BAIAP2L1: variants seen among roughly 807,000 people sequenced by gnomAD.
BAIAP2L1 encodes BAR/IMD domain-containing adapter protein 2-like 1.
A neutral mutation model predicts 66.3 loss-of-function variants in BAIAP2L1; 35 were observed. That is an observed-to-expected ratio of 0.53 (90% CI 0.40 to 0.70). The LOEUF (loss-of-function observed/expected upper bound fraction) is 0.70, where lower values mean the gene tolerates loss of function less well. Ranked by LOEUF, BAIAP2L1 falls within the 30% of genes least tolerant of loss-of-function variation. The probability of loss-of-function intolerance (pLI) is 0.00; values close to 1 mark genes in which losing one functional copy is unlikely to be tolerated. For missense variants in BAIAP2L1, 622 were observed against 656.9 expected, an observed-to-expected ratio of 0.95 and a Z score of 0.58; for synonymous variants, 269 against 248.7, an observed-to-expected ratio of 1.08 and a Z score of -0.77.
chr7:98,317,590 T>C (rs7797943), intron 5 of BAIAP2L1, among the ~76,000 whole-genome samples: 61,360 of 151,210 alleles, frequency 0.41, 13,320 homozygotes, highest in Middle Eastern at 0.55. Context: ...AGGGCCCTCA[T>C]CCCTCAGTTC....
intron 1 of BAIAP2L1, among the ~76,000 whole-genome samples, chr7:98,375,793 G>A (rs1430564224): frequency 6.8e-6 from 1 of 147,474 alleles, no homozygotes; most frequent in Admixed American, 6.8e-5. Flanking sequence ...ACAGTTAACA[G>A]TCACACTGGT....
At chr7:98,306,744 G>A (rs530182273) in intron 10 of BAIAP2L1, 1 of 581,686 alleles carries the variant, frequency 1.7e-6, no homozygotes, top group African/African-American at 1.9e-5. Flanking sequence ...GTCTCGCTCT[G>A]TTGCCCAGGC....
chr7:98,375,143 C>A (rs1388694962), intron 1 of BAIAP2L1, among the ~76,000 whole-genome samples: 2 of 151,974 alleles, frequency 1.3e-5, no homozygotes, highest in Non-Finnish European at 2.9e-5. Flanking sequence ...CCCCATAATC[C>A]CAGCACTTTG....
At chr7:98,356,238 C>G (rs1802115635) in intron 2 of BAIAP2L1, among the ~76,000 whole-genome samples, 1 of 152,102 alleles carries the variant, frequency 6.6e-6, no homozygotes, top group Non-Finnish European at 1.5e-5. Context: ...TGCTAATACA[C>G]TTTTTTCACT....
intron 7 of BAIAP2L1, among the ~76,000 whole-genome samples, chr7:98,312,761 G>GC (rs1800919272): frequency 7.5e-6 from 1 of 133,576 alleles, no homozygotes; most frequent in Admixed American, 7.7e-5. Context: ...AGAGGGACTG[G>GC]GTGAGTGGTG....
chr7:98,393,009 GTA>G (rs767798428), intron 1 of BAIAP2L1, among the ~76,000 whole-genome samples: 4 of 145,506 alleles, frequency 2.7e-5, no homozygotes, highest in African/African-American at 5.1e-5. Context: ...TAATTTTTGT[GTA>G]TATATATACA....
At chr7:98,393,096 T>C (rs1163534192) in intron 1 of BAIAP2L1, among the ~76,000 whole-genome samples, 4 of 113,438 alleles carry the variant, frequency 3.5e-5, no homozygotes, top group African/African-American at 1.6e-4. Flanking sequence ...TATACATATA[T>C]ACGTGTACAT....
At chr7:98,306,588 G>C in intron 10 of BAIAP2L1, 72 bp from the exon 11 acceptor site, 1 of 1,610,014 alleles carries the variant, frequency 6.2e-7, no homozygotes, top group Non-Finnish European at 8.5e-7. Flanking sequence ...GAACAACCTG[G>C]TGAGAGCTCA....
intron 11 of BAIAP2L1, 56 bp from the exon 12 acceptor site, chr7:98,304,432 A>G: frequency 3.2e-6 from 5 of 1,576,700 alleles, no homozygotes; most frequent in Non-Finnish European, 4.3e-6. Context: ...ACCAAACCCC[A>G]AACATCCTCT....
At chr7:98,375,128 G>C (rs1802589130) in intron 1 of BAIAP2L1, among the ~76,000 whole-genome samples, 1 of 151,736 alleles carries the variant, frequency 6.6e-6, no homozygotes, top group African/African-American at 2.4e-5. Flanking sequence ...AGGCGTGGTG[G>C]CTCACCCCAT....
chr7:98,372,572 T>C (rs1433200600), intron 1 of BAIAP2L1, among the ~76,000 whole-genome samples: 2 of 152,128 alleles, frequency 1.3e-5, no homozygotes, highest in African/African-American at 2.4e-5. Context: ...TTGTAACGTA[T>C]GTATCCTTGA....
chr7:98,303,132 C>G (rs1001925067), intron 12 of BAIAP2L1, among the ~76,000 whole-genome samples: 1 of 152,186 alleles, frequency 6.6e-6, no homozygotes, highest in Non-Finnish European at 1.5e-5. Flanking sequence ...ATTCCTAAAC[C>G]AAATCATGCC....
chr7:98,312,003 G>A (rs1800890744), intron 8 of BAIAP2L1, 94 bp downstream of exon 8: 2 of 1,284,376 alleles, frequency 1.6e-6, no homozygotes, highest in Non-Finnish European at 1.1e-6. Context: ...AGTAATAAAG[G>A]GGGACCTGTG....
chr7:98,383,057 G>A (rs1802795481), intron 1 of BAIAP2L1, among the ~76,000 whole-genome samples: 1 of 151,970 alleles, frequency 6.6e-6, no homozygotes, highest in African/African-American at 2.4e-5. Flanking sequence ...CAGCTACTTG[G>A]GAGGGTGAGG....
intron 3 of BAIAP2L1, among the ~76,000 whole-genome samples, chr7:98,335,862 G>A (rs1341248429): frequency 6.6e-6 from 1 of 152,120 alleles, no homozygotes; most frequent in East Asian, 1.9e-4. Context: ...AGGTTTTACA[G>A]AAGGGCTTGT....
intron 2 of BAIAP2L1, among the ~76,000 whole-genome samples, chr7:98,356,954 C>T (rs1162634637): frequency 8.3e-6 from 1 of 120,440 alleles, no homozygotes; most frequent in Non-Finnish European, 1.6e-5. Flanking sequence ...CACAACTGTA[C>T]CACTGTACTC....
At chr7:98,350,236 C>T (rs6971825) in intron 3 of BAIAP2L1, among the ~76,000 whole-genome samples, 57,527 of 151,926 alleles carry the variant, frequency 0.38, 12,416 homozygotes, top group Middle Eastern at 0.54. Flanking sequence ...TCTATTCCCC[C>T]TGTTTTCAAC....
intron 10 of BAIAP2L1, chr7:98,307,054 T>C: frequency 6.2e-6 from 1 of 160,836 alleles, no homozygotes; most frequent in East Asian, 1.8e-4. Flanking sequence ...ACTACCTACG[T>C]GCTAAACCTT....
chr7:98,397,605 G>A (rs1803246155), intron 1 of BAIAP2L1, among the ~76,000 whole-genome samples: 1 of 152,110 alleles, frequency 6.6e-6, no homozygotes, highest in Admixed American at 6.6e-5. Context: ...GGGATTACAG[G>A]CGTGAGCCAC....
Sources: gnomAD v4.1 joint callset for allele counts (sites outside exome capture counted in the v4.1 genomes callset) on GRCh38, gnomAD v4.1.1 for gene constraint, MANE v1.5 for transcripts, NCBI Gene and HGNC (gene_info 2026-07-23, HGNC 2026-07-21) for gene names.